Variants in RGS22 observed in about 807,000 individuals in gnomAD.
The protein encoded by RGS22 is regulator of G protein signaling 22.
Under a neutral mutation model 172.9 loss-of-function variants are expected in RGS22, and 148 were observed. The ratio of observed to expected loss-of-function variants is 0.86; its 90% confidence interval spans 0.75 to 0.98. The LOEUF is 0.98. RGS22 is among the 50% of genes least tolerant of loss of function. The probability of loss-of-function intolerance (pLI) is 0.00; values close to 1 mark genes in which losing one functional copy is unlikely to be tolerated. For synonymous variants in RGS22, 458 were observed against 480.2 expected, an observed-to-expected ratio of 0.95 and a Z score of 0.60; for missense variants, 1,347 against 1,440.8, an observed-to-expected ratio of 0.93 and a Z score of 1.05.
intron 14 of RGS22, among the ~76,000 whole-genome samples, chr8:100,031,023 G>A (rs542440483): frequency 1.3e-5 from 2 of 152,208 alleles, no homozygotes; most frequent in South Asian, 4.1e-4. Flanking sequence ...TTTGAGAGAA[G>A]GATGAAGATA....
intron 9 of RGS22, among the ~76,000 whole-genome samples, chr8:100,061,943 T>C (rs1239940410): frequency 2.6e-5 from 4 of 152,200 alleles, no homozygotes; most frequent in Non-Finnish European, 5.9e-5. Context: ...GTGGTACATA[T>C]ATACCATGGA....
chr8:99,975,031 A>G (rs921978624), intron 23 of RGS22, among the ~76,000 whole-genome samples: 5 of 151,996 alleles, frequency 3.3e-5, no homozygotes, highest in Admixed American at 2.0e-4. Context: ...CTTTAATCCC[A>G]GCTACTCAGG....
chr8:99,986,458 A>G (rs1248288084), intron 21 of RGS22, among the ~76,000 whole-genome samples: 1 of 152,118 alleles, frequency 6.6e-6, no homozygotes, highest in African/African-American at 2.4e-5. Context: ...TTTATTCCTC[A>G]TGTTTACAAT....
intron 14 of RGS22, among the ~76,000 whole-genome samples, chr8:100,034,627 T>C (rs1310795526): frequency 6.6e-6 from 1 of 152,128 alleles, no homozygotes; most frequent in Non-Finnish European, 1.5e-5. Flanking sequence ...TTAAAGTGCA[T>C]ATGGAACCAA....
chr8:100,044,916 A>G (rs1454324356), intron 11 of RGS22, among the ~76,000 whole-genome samples: 2 of 152,156 alleles, frequency 1.3e-5, no homozygotes, highest in Non-Finnish European at 2.9e-5. Context: ...TTTTATTGAG[A>G]TAAAATTCAC....
chr8:100,103,816 G>T (rs1462533517), intron 2 of RGS22, among the ~76,000 whole-genome samples: 1 of 152,208 alleles, frequency 6.6e-6, no homozygotes, highest in Non-Finnish European at 1.5e-5. Context: ...AAGAGAAAGG[G>T]AATGCCTAGA....
chr8:100,004,594 G>A (rs1427461108), intron 16 of RGS22: 1 of 153,318 alleles, frequency 6.5e-6, no homozygotes, highest in African/African-American at 2.4e-5. Context: ...TACTATGATG[G>A]TTGCATAGTT....
chr8:100,071,821 T>C (rs150156662), intron 5 of RGS22, among the ~76,000 whole-genome samples: 1 of 152,376 alleles, frequency 6.6e-6, no homozygotes, highest in Non-Finnish European at 1.5e-5. Flanking sequence ...GGCTCTGGAC[T>C]ACGGCATTCT....
At chr8:100,028,649 T>G (rs190286873) in intron 14 of RGS22, among the ~76,000 whole-genome samples, 118 of 152,188 alleles carry the variant, frequency 7.8e-4, no homozygotes, top group Non-Finnish European at 1.3e-3. Flanking sequence ...AGAAACAGCA[T>G]AGATAAAAAA....
intron 14 of RGS22, among the ~76,000 whole-genome samples, chr8:100,016,850 G>A (rs1817020176): frequency 6.6e-6 from 1 of 151,574 alleles, no homozygotes; most frequent in Admixed American, 6.6e-5. Context: ...CACCAACATG[G>A]CACATGTATA....
chr8:100,077,407 C>T (rs576522407), intron 4 of RGS22, among the ~76,000 whole-genome samples: 1 of 152,288 alleles, frequency 6.6e-6, no homozygotes, highest in East Asian at 1.9e-4. Context: ...AATTTAGTTG[C>T]ATCCCACAAA....
At chr8:100,068,897 T>C (rs1185227654) in intron 6 of RGS22, among the ~76,000 whole-genome samples, 4 of 146,614 alleles carry the variant, frequency 2.7e-5, no homozygotes, top group African/African-American at 7.6e-5. Flanking sequence ...ATTGTACCAC[T>C]GCACTCCAGC....
intron 3 of RGS22, among the ~76,000 whole-genome samples, chr8:100,081,375 T>TATA (rs1811746816): frequency 6.7e-6 from 1 of 148,298 alleles, no homozygotes; most frequent in Non-Finnish European, 1.5e-5. Context: ...TATATATATA[T>TATA]ATATATATTT....
chr8:100,031,622 TTTAC>T (rs1818819591), intron 14 of RGS22, among the ~76,000 whole-genome samples: 1 of 152,102 alleles, frequency 6.6e-6, no homozygotes, highest in African/African-American at 2.4e-5. Context: ...GTTTCATACG[TTTAC>T]TTATTTTTAT....
At position 100,057,225 on chromosome 8, in the gene RGS22, C is replaced by A. The variant is rs188065048; in HGVS notation, c.1515-4249G>T. ...GGGTTTATTTACGTCATTCCTGTAC[C>A]TCCATTGTATCTAGGAAGTAACTGA... On this transcript the variant is annotated intron_variant, in intron 9 of 27. Coordinates refer to ENST00000360863, the MANE Select transcript of RGS22 (RefSeq NM_015668.5). Among the ~76,000 whole-genome samples, 4 of 152,298 alleles carry A rather than the reference C, an allele frequency of 2.6e-5. No homozygotes were observed. The East Asian group carries it at 7.7e-4, about 29-fold the overall frequency.
intron 14 of RGS22, among the ~76,000 whole-genome samples, chr8:100,013,164 T>C (rs1816593014): frequency 6.6e-6 from 1 of 152,034 alleles, no homozygotes; most frequent in African/African-American, 2.4e-5. Flanking sequence ...TAATTTTTTG[T>C]ATTTTTAGTA....
intron 16 of RGS22, among the ~76,000 whole-genome samples, chr8:100,005,746 T>G (rs545630591): frequency 6.6e-6 from 1 of 152,306 alleles, no homozygotes; most frequent in South Asian, 2.1e-4. Context: ...ATAACACAGT[T>G]GAAGGCTCCA....
At chr8:100,047,621 A>G in intron 10 of RGS22, 25 bp from the exon 11 acceptor site, 4 of 1,593,540 alleles carry the variant, frequency 2.5e-6, no homozygotes, top group Middle Eastern at 3.4e-4. Context: ...CATAAGCAAG[A>G]TGAAAATGAG....
At chr8:100,056,037 G>A (rs766268051) in intron 9 of RGS22, among the ~76,000 whole-genome samples, 63 of 152,186 alleles carry the variant, frequency 4.1e-4, no homozygotes, top group Non-Finnish European at 7.8e-4. Context: ...GAACTTCCTA[G>A]AGACTTGTTG....
Sources: allele counts gnomAD v4.1 joint callset (sites outside exome capture counted in the v4.1 genomes callset), GRCh38; gene constraint gnomAD v4.1.1; transcripts MANE v1.5; gene names NCBI Gene and HGNC (gene_info 2026-07-23, HGNC 2026-07-21).